Variants in RAP2A observed in about 807,000 individuals in gnomAD.
RAP2A encodes the protein ras-related protein Rap-2a.
Under a neutral mutation model 15.1 loss-of-function variants are expected in RAP2A, and 5 were observed. The ratio of observed to expected loss-of-function variants is 0.33; its 90% CI spans 0.17 to 0.70. The LOEUF is 0.70. Ranked by LOEUF, RAP2A falls within the 30% of genes least tolerant of loss-of-function variation. RAP2A has a pLI of 0.68. For synonymous variants in RAP2A, 110 were observed against 99.7 expected (o/e 1.10, Z -0.62); for missense variants, 111 against 240.3 (o/e 0.46, Z 3.56).
At chr13:97,441,995 T>C (rs1257955268) in intron 1 of RAP2A, 1 of 205,664 alleles carries the variant, frequency 4.9e-6, no homozygotes, top group African/African-American at 2.4e-5. Flanking sequence ...TTGACACTTG[T>C]GGTTCATATC....
Position 97,464,599 on chromosome 13 carries a change from C to T in RAP2A, c.*157C>T, listed in dbSNP as rs1438533905. 5 of 711,508 alleles carry T rather than the reference C, an allele frequency of 7.0e-6. No homozygotes were observed. In the African/African-American group the frequency reaches 8.8e-5, roughly 13 times the overall value. The allele number at this position is 711,508 out of a possible 1,614,324, so 44.1% of individuals were successfully genotyped here. On this transcript the variant is annotated 3_prime_UTR_variant, in exon 2 of 2. Coordinates refer to ENST00000245304, the MANE Select transcript of RAP2A (RefSeq NM_021033.7). ...GAGCAGTGATTGTCAGTTGATATCTCTGAGTAACATTTGGGTTCAGTAACT... is the reference window on the plus strand; with the variant it reads ...GAGCAGTGATTGTCAGTTGATATCTTTGAGTAACATTTGGGTTCAGTAACT...
chr13:97,457,744 A>G (rs986879202), intron 1 of RAP2A, among the ~76,000 whole-genome samples: 1 of 152,158 alleles, frequency 6.6e-6, no homozygotes, highest in Non-Finnish European at 1.5e-5. Flanking sequence ...TTGGAAGGAT[A>G]GATATCAAAA....
chr13:97,445,706 C>T (rs989229286), intron 1 of RAP2A, among the ~76,000 whole-genome samples: 36 of 152,238 alleles, frequency 2.4e-4, no homozygotes, highest in African/African-American at 8.4e-4. Context: ...CAGGGAGAGT[C>T]CCCCAGCTGT....
intron 1 of RAP2A, among the ~76,000 whole-genome samples, chr13:97,440,853 A>T (rs567920732): frequency 6.6e-6 from 1 of 152,208 alleles, no homozygotes; most frequent in Non-Finnish European, 1.5e-5. Flanking sequence ...AGAACACAAC[A>T]TAAGTTCTGT....
intron 1 of RAP2A, among the ~76,000 whole-genome samples, chr13:97,458,024 A>G (rs1041894141): frequency 5.3e-5 from 8 of 152,172 alleles, no homozygotes; most frequent in African/African-American, 1.9e-4. Flanking sequence ...TAACACTAAC[A>G]TTTAACAGAC....
intron 1 of RAP2A, among the ~76,000 whole-genome samples, chr13:97,436,656 A>G (rs2066635671): frequency 6.6e-6 from 1 of 152,192 alleles, no homozygotes; most frequent in Admixed American, 6.5e-5. Flanking sequence ...AGTTATAATA[A>G]TAGGTTAGTC....
chr13:97,461,962 C>CA lies in RAP2A; in HGVS notation c.315-2233dup, dbSNP rs775969872. On this transcript the variant is annotated intron_variant, in intron 1 of 1. Coordinates refer to ENST00000245304, the MANE Select transcript of RAP2A (RefSeq NM_021033.7). ...TGGGAGACAGAGCGAGACTCCGTCT[C>CA]AAAAAAAAAATATATATATATATAT... Among the ~76,000 whole-genome samples the CA allele has an allele frequency of 9.3e-3, 981 of 105,852 alleles. 9 individuals are homozygous for CA. Among genetic ancestry groups the CA allele is most frequent in the Non-Finnish European group, 0.014 (736 of 53,866 alleles). 69.4% of individuals were successfully genotyped at this position (105,852 alleles called of 152,430 possible).
At chr13:97,455,550 G>A (rs2066719371) in intron 1 of RAP2A, among the ~76,000 whole-genome samples, 2 of 151,542 alleles carry the variant, frequency 1.3e-5, no homozygotes, top group African/African-American at 4.9e-5. Flanking sequence ...AACCCACTGA[G>A]GTTCAAACTG....
intron 1 of RAP2A, among the ~76,000 whole-genome samples, chr13:97,436,823 C>G (rs1464486007): frequency 1.3e-5 from 2 of 152,196 alleles, no homozygotes; most frequent in African/African-American, 4.8e-5. Flanking sequence ...CATAAATTCT[C>G]TTCACCAGAA....
chr13:97,466,591 A>G lies in RAP2A; in HGVS notation c.*2149A>G, dbSNP rs915018225. The G allele has an allele frequency of 9.2e-5, 14 of 152,378 alleles. No individual in the cohort carries two copies. The highest frequency in any genetic ancestry group is 3.3e-4 in the Admixed American group (5 of 15,304). 9.4% of individuals were successfully genotyped at this position (152,378 alleles called of 1,614,324 possible). A position where few individuals can be genotyped will look rare whatever the true frequency, so the allele number is the denominator to read the frequency against. ...AATTTTTGACAAGTAAGATTGCAAA[A>G]TAGAAATATCTATAAAGATTCCACA... On this transcript the variant is annotated 3_prime_UTR_variant, in exon 2 of 2. Coordinates refer to ENST00000245304, the MANE Select transcript of RAP2A (RefSeq NM_021033.7).
Position 97,434,420 on chromosome 13 carries a change from G to A in RAP2A, c.-51G>A, listed in dbSNP as rs2066623635. 13 of 1,445,446 alleles carry A rather than the reference G, an allele frequency of 9.0e-6. No homozygotes were observed. The highest frequency in any genetic ancestry group is 1.1e-5 in the Non-Finnish European group (12 of 1,092,526). The allele number at this position is 1,445,446 out of a possible 1,614,324, so 89.5% of individuals were successfully genotyped here. ...CGGGGCTGGGGGCGCAGCGCGGCCG[G>A]CGTAGGTCTATGTCGCGGGCGGCGG... is the stretch of plus-strand genomic sequence containing the variant. On this transcript the variant is annotated 5_prime_UTR_variant, in exon 1 of 2. Coordinates refer to ENST00000245304, the MANE Select transcript of RAP2A (RefSeq NM_021033.7).
At chr13:97,447,657 T>C (rs2066685151) in intron 1 of RAP2A, among the ~76,000 whole-genome samples, 1 of 152,188 alleles carries the variant, frequency 6.6e-6, no homozygotes, top group Non-Finnish European at 1.5e-5. Flanking sequence ...ATAGTGTACA[T>C]CCAAAAATGC....
intron 1 of RAP2A, among the ~76,000 whole-genome samples, chr13:97,442,476 G>A (rs1478116564): frequency 6.6e-6 from 1 of 152,050 alleles, no homozygotes; most frequent in Non-Finnish European, 1.5e-5. Context: ...CTCAGCAGGG[G>A]ATTTCACATT....
intron 1 of RAP2A, among the ~76,000 whole-genome samples, chr13:97,459,540 T>G (rs1246638698): frequency 6.6e-6 from 1 of 152,170 alleles, no homozygotes; most frequent in African/African-American, 2.4e-5. Context: ...TAGAGATGGA[T>G]CCCACAGCTG....
intron 1 of RAP2A, among the ~76,000 whole-genome samples, chr13:97,445,785 G>T (rs1380758525): frequency 6.6e-6 from 1 of 152,178 alleles, no homozygotes; most frequent in African/African-American, 2.4e-5. Context: ...CAGCCAGGAT[G>T]TTGTATGTTT....
chr13:97,455,586 G>A (rs1191314277), intron 1 of RAP2A, among the ~76,000 whole-genome samples: 1 of 151,478 alleles, frequency 6.6e-6, no homozygotes, highest in Non-Finnish European at 1.5e-5. Flanking sequence ...TTTGGAAGAT[G>A]ATTCCGATGT....
chr13:97,463,547 G>A (rs995473174), intron 1 of RAP2A, among the ~76,000 whole-genome samples: 2 of 152,160 alleles, frequency 1.3e-5, no homozygotes, highest in African/African-American at 2.4e-5. Flanking sequence ...ATGGGGTGTG[G>A]TTGTATTTGA....
At chr13:97,437,371 T>G (rs2066638547) in intron 1 of RAP2A, 1 of 151,922 alleles carries the variant, frequency 6.6e-6, no homozygotes, top group South Asian at 2.1e-4. Flanking sequence ...AAGGTGTATA[T>G]GATTTGGGGA....
rs935132156 is a variant in RAP2A, at chr13:97,466,311, T to G, written c.*1869T>G. The G allele has an allele frequency of 2.0e-5, 3 of 152,144 alleles. No individual in the cohort carries two copies. The highest frequency in any genetic ancestry group is 2.0e-4 in the Admixed American group (3 of 15,278). The allele number at this position is 152,144 out of a possible 1,614,324, so 9.4% of individuals were successfully genotyped here. A position where few individuals can be genotyped will look rare whatever the true frequency, so the allele number is the denominator to read the frequency against. On this transcript the variant is annotated 3_prime_UTR_variant, in exon 2 of 2. Coordinates refer to ENST00000245304, the MANE Select transcript of RAP2A (RefSeq NM_021033.7). ...CTGTCATAAATCTTTGACTTTTGAA[T>G]ATTTACATTCTTCAGTATAATTTTT...
Sources: gnomAD v4.1 joint callset for allele counts (sites outside exome capture counted in the v4.1 genomes callset) on GRCh38, gnomAD v4.1.1 for gene constraint, MANE v1.5 for transcripts, NCBI Gene and HGNC (gene_info 2026-07-23, HGNC 2026-07-21) for gene names.